The following CNTN4 variants were observed in gnomAD, a reference collection of about 807,000 sequenced individuals.
CNTN4 encodes contactin 4.
In CNTN4, 77 loss-of-function variants were observed where a neutral mutation model predicts 122.5. The observed-to-expected ratio is 0.63, with a 90% confidence interval of 0.52 to 0.76. The LOEUF (loss-of-function observed/expected upper bound fraction) is 0.76. Among genes scored for constraint, CNTN4 ranks in the 30% least tolerant of loss-of-function variants. CNTN4 has a pLI of 0.00. For missense variants in CNTN4, 1,256 were observed against 1,259.1 expected, an observed-to-expected ratio of 1.00 and a Z score of 0.04; for synonymous variants, 512 against 447.0, an observed-to-expected ratio of 1.15 and a Z score of -1.83.
intron 3 of CNTN4, among the ~76,000 whole-genome samples, chr3:2,504,997 C>T (rs960563341): frequency 6.6e-6 from 1 of 152,080 alleles, no homozygotes; most frequent in African/African-American, 2.4e-5. Flanking sequence ...AAGAACCCAC[C>T]CAGCTATAAA....
chr3:2,598,732 G>A (rs972083352), intron 4 of CNTN4, among the ~76,000 whole-genome samples: 5 of 152,052 alleles, frequency 3.3e-5, no homozygotes, highest in African/African-American at 1.2e-4. Context: ...CTAAGCCTTC[G>A]CAAATCAGTT....
intron 4 of CNTN4, among the ~76,000 whole-genome samples, chr3:2,622,929 G>T (rs2082044734): frequency 1.3e-5 from 2 of 152,176 alleles, no homozygotes; most frequent in Non-Finnish European, 2.9e-5. Context: ...AATGATGGAA[G>T]CATATAGCTA....
At position 3,057,227 on chromosome 3, in the gene CNTN4, AGAGCCCTTCTTTT is replaced by A. The variant is rs1037551385; in HGVS notation, c.*1010_*1022del. 4.6e-5 allele frequency: 7 copies of A among 152,660 alleles called. No homozygotes were observed. The highest frequency in any genetic ancestry group is 1.7e-4 in the African/African-American group (7 of 41,478). 9.5% of individuals were successfully genotyped at this position (152,660 alleles called of 1,614,324 possible). On this transcript the variant is annotated 3_prime_UTR_variant, in exon 25 of 25. Transcript: ENST00000418658. ...ATAATATGTGTATCTCTGTAATAAT[AGAGCCCTTCTTTT>A]GAATCAAAATTACATATGGACTTTG...
chr3:3,043,462 C>A (rs1290984341), intron 22 of CNTN4, 130 bp from the exon 23 acceptor site: 5 of 765,976 alleles, frequency 6.5e-6, no homozygotes, highest in African/African-American at 3.5e-5. Context: ...ATTTTAGTGA[C>A]CTTGAAGACA....
At chr3:2,799,832 G>A (rs1559516614) in intron 6 of CNTN4, among the ~76,000 whole-genome samples, 1 of 152,120 alleles carries the variant, frequency 6.6e-6, no homozygotes, top group Non-Finnish European at 1.5e-5. Flanking sequence ...TAGGGGTCCA[G>A]TTTCATTCTC....
intron 2 of CNTN4, among the ~76,000 whole-genome samples, chr3:2,313,980 A>G (rs948103819): frequency 6.6e-6 from 1 of 152,066 alleles, no homozygotes. Context: ...CCTTATTTAT[A>G]CCTATGAATC....
At chr3:2,383,766 C>T (rs1395561290) in intron 3 of CNTN4, among the ~76,000 whole-genome samples, 2 of 149,626 alleles carry the variant, frequency 1.3e-5, no homozygotes, top group Non-Finnish European at 3.0e-5. Flanking sequence ...TCTTCTCCCT[C>T]TCCTCTCCCT....
intron 4 of CNTN4, among the ~76,000 whole-genome samples, chr3:2,635,055 C>T (rs1039917608): frequency 2.0e-5 from 3 of 152,052 alleles, no homozygotes; most frequent in African/African-American, 7.2e-5. Context: ...TCGGAACCAT[C>T]TAGGGGAATT....
intron 4 of CNTN4, among the ~76,000 whole-genome samples, chr3:2,651,572 C>A (rs919487164): frequency 1.1e-4 from 16 of 152,106 alleles, no homozygotes; most frequent in Non-Finnish European, 8.8e-5. Flanking sequence ...TACCAAGGGC[C>A]AGGCACGGTG....
intron 4 of CNTN4, among the ~76,000 whole-genome samples, chr3:2,681,987 A>C (rs1218302891): frequency 6.6e-6 from 1 of 152,200 alleles, no homozygotes; most frequent in Non-Finnish European, 1.5e-5. Context: ...CTGTAAACAT[A>C]AAATACTAGA....
At chr3:2,810,736 A>C (rs1222060330) in intron 6 of CNTN4, among the ~76,000 whole-genome samples, 2 of 152,200 alleles carry the variant, frequency 1.3e-5, no homozygotes, top group African/African-American at 4.8e-5. Context: ...GAATTAATTC[A>C]CTCTTCACTG....
chr3:2,492,939 AT>A (rs1367396727), intron 3 of CNTN4, among the ~76,000 whole-genome samples: 4 of 152,206 alleles, frequency 2.6e-5, no homozygotes, highest in Non-Finnish European at 5.9e-5. Context: ...AGTTACACAG[AT>A]TTAATTCTAT....
chr3:2,430,437 A>T (rs1216115573), intron 3 of CNTN4, among the ~76,000 whole-genome samples: 1 of 151,376 alleles, frequency 6.6e-6, no homozygotes, highest in Non-Finnish European at 1.5e-5. Context: ...AAAAAAAAAA[A>T]AAAAGGAAAT....
In CNTN4 at chr3:2,900,494, T is replaced by A. The variant is rs536235813; in HGVS notation, c.941-191T>A. Among the ~76,000 whole-genome samples, 5 of 152,300 alleles carry A rather than the reference T, an allele frequency of 3.3e-5. No homozygotes were observed. In the East Asian group the frequency reaches 9.6e-4, roughly 29 times the overall value. On this transcript the variant is annotated intron_variant, in intron 10 of 24. Transcript: ENST00000418658. ...ATTTAGCGATTAAAAGACTACAATA[T>A]GAACCACAAAAATGGTATTCAGAGT... is the stretch of plus-strand genomic sequence containing the variant.
chr3:2,255,943 G>A (rs1257184117), intron 2 of CNTN4, among the ~76,000 whole-genome samples: 1 of 152,040 alleles, frequency 6.6e-6, no homozygotes, highest in African/African-American at 2.4e-5. Context: ...TAAGATCAGA[G>A]CAGAACTGAA....
chr3:2,305,784 C>T (rs2042680272), intron 2 of CNTN4, among the ~76,000 whole-genome samples: 1 of 152,132 alleles, frequency 6.6e-6, no homozygotes, highest in Non-Finnish European at 1.5e-5. Context: ...TTAGCAGCCA[C>T]TCCATATTTA....
At chr3:2,700,787 A>C (rs1188517471) in intron 4 of CNTN4, among the ~76,000 whole-genome samples, 1 of 152,236 alleles carries the variant, frequency 6.6e-6, no homozygotes, top group African/African-American at 2.4e-5. Flanking sequence ...AATTTTGATG[A>C]AAATGAAAGA....
chr3:2,678,602 G>A (rs1362593331), intron 4 of CNTN4, among the ~76,000 whole-genome samples: 1 of 152,144 alleles, frequency 6.6e-6, no homozygotes, highest in Admixed American at 6.6e-5. Flanking sequence ...GACCCTGTTT[G>A]CAGATTACCT....
At chr3:2,816,083 A>G (rs993186867) in intron 6 of CNTN4, among the ~76,000 whole-genome samples, 2 of 152,128 alleles carry the variant, frequency 1.3e-5, no homozygotes, top group African/African-American at 4.8e-5. Flanking sequence ...GGCCGGATAC[A>G]GTGGCTCACA....
Sources: allele counts gnomAD v4.1 joint callset (sites outside exome capture counted in the v4.1 genomes callset), GRCh38; gene constraint gnomAD v4.1.1; transcripts MANE v1.5; gene names NCBI Gene and HGNC (gene_info 2026-07-23, HGNC 2026-07-21).